FGF14: variants seen among roughly 807,000 people sequenced by gnomAD.
The protein encoded by FGF14 is fibroblast growth factor homologous factor 4.
Under a neutral mutation model 25.5 loss-of-function variants are expected in FGF14, and 5 were observed. That is an observed-to-expected ratio of 0.20 (90% confidence interval 0.10 to 0.41). The LOEUF (loss-of-function observed/expected upper bound fraction) is 0.41, where lower values mean the gene tolerates loss of function less well. Ranked by LOEUF, FGF14 falls within the 10% of genes least tolerant of loss-of-function variation. The pLI is 1.00. For synonymous variants in FGF14, 138 were observed against 118.3 expected (o/e 1.17, Z -1.08); for missense variants, 222 against 320.1 (o/e 0.69, Z 2.34).
intron 1 of FGF14, among the ~76,000 whole-genome samples, chr13:102,339,850 C>T (rs530550864): frequency 1.3e-5 from 2 of 152,182 alleles, no homozygotes; most frequent in Non-Finnish European, 1.5e-5. Flanking sequence ...GCATGGGCTA[C>T]GTAAACTCAC....
intron 1 of FGF14, among the ~76,000 whole-genome samples, chr13:101,879,752 T>C (rs973369589): frequency 2.1e-4 from 24 of 113,906 alleles, no homozygotes; most frequent in African/African-American, 8.6e-4. Context: ...CTATTAGCTA[T>C]GGAAAAAATC....
At chr13:102,392,482 T>C (rs1215556227) in intron 1 of FGF14, among the ~76,000 whole-genome samples, 2 of 152,230 alleles carry the variant, frequency 1.3e-5, no homozygotes, top group Non-Finnish European at 2.9e-5. Flanking sequence ...ATGAACTTTT[T>C]ATCCCACAGC....
intron 1 of FGF14, among the ~76,000 whole-genome samples, chr13:102,009,580 T>G (rs1470455725): frequency 6.6e-6 from 1 of 152,152 alleles, no homozygotes; most frequent in East Asian, 1.9e-4. Flanking sequence ...AAAAAATTGT[T>G]CTTCAAAAAG....
chr13:102,228,352 A>G (rs1762722093), intron 1 of FGF14, among the ~76,000 whole-genome samples: 1 of 152,202 alleles, frequency 6.6e-6, no homozygotes, highest in African/African-American at 2.4e-5. Context: ...ACAGAACACT[A>G]AAGTCAATCA....
At chr13:102,209,645 G>C (rs1042560492) in intron 1 of FGF14, among the ~76,000 whole-genome samples, 3 of 152,174 alleles carry the variant, frequency 2.0e-5, no homozygotes, top group African/African-American at 7.2e-5. Context: ...TGGGAATCAT[G>C]CTTCTGACTT....
chr13:102,171,457 A>G (rs1345286397), intron 1 of FGF14, among the ~76,000 whole-genome samples: 1 of 152,216 alleles, frequency 6.6e-6, no homozygotes, highest in African/African-American at 2.4e-5. Flanking sequence ...TATAAAAGGA[A>G]GTCTCTCCCT....
intron 1 of FGF14, among the ~76,000 whole-genome samples, chr13:102,299,568 G>C (rs2054916242): frequency 6.8e-6 from 1 of 147,296 alleles, no homozygotes; most frequent in South Asian, 2.2e-4. Flanking sequence ...CACTGGGGCT[G>C]CCTGAATTTC....
intron 1 of FGF14, among the ~76,000 whole-genome samples, chr13:102,370,480 G>C (rs758859609): frequency 1.4e-4 from 21 of 151,942 alleles, no homozygotes; most frequent in Non-Finnish European, 2.4e-4. Flanking sequence ...ATGTTGCCAG[G>C]TTGGTCTTGA....
chr13:101,961,492 G>A (rs1348476101), intron 1 of FGF14, among the ~76,000 whole-genome samples: 2 of 152,104 alleles, frequency 1.3e-5, no homozygotes, highest in African/African-American at 4.8e-5. Context: ...AAGATCAGGT[G>A]GTTGTAGGTG....
chr13:102,151,256 A>G (rs1449888617), intron 1 of FGF14, among the ~76,000 whole-genome samples: 1 of 152,120 alleles, frequency 6.6e-6, no homozygotes, highest in Non-Finnish European at 1.5e-5. Context: ...AAATTGCTAA[A>G]TCCTAATGGA....
At chr13:102,371,591 T>C (rs968870300) in intron 1 of FGF14, among the ~76,000 whole-genome samples, 1 of 152,138 alleles carries the variant, frequency 6.6e-6, no homozygotes, top group Non-Finnish European at 1.5e-5. Flanking sequence ...TTGTATCTGT[T>C]TCCAGAGCTG....
chr13:101,928,395 GGT>G (rs149758126), intron 1 of FGF14, among the ~76,000 whole-genome samples: 7,954 of 147,534 alleles, frequency 0.054, 642 homozygotes, highest in African/African-American at 0.18. Context: ...AACTTGCTGT[GGT>G]GTGTGTGTGT....
intron 1 of FGF14, among the ~76,000 whole-genome samples, chr13:102,098,708 G>A (rs1397131620): frequency 6.6e-6 from 1 of 152,166 alleles, no homozygotes; most frequent in Non-Finnish European, 1.5e-5. Flanking sequence ...TGTGCTTTGG[G>A]TGTGCCCCTA....
chr13:102,161,612 A>G (rs879467044), intron 1 of FGF14, among the ~76,000 whole-genome samples: 651 of 4,766 alleles, frequency 0.14, 12 homozygotes, highest in African/African-American at 0.2. Flanking sequence ...AAGAAGAAGA[A>G]GAAGAAGAAG....
chr13:101,738,743 T>C (rs1241963191), intron 3 of FGF14, among the ~76,000 whole-genome samples: 2 of 152,084 alleles, frequency 1.3e-5, no homozygotes, highest in African/African-American at 4.8e-5. Context: ...TATTATATTA[T>C]GAAATGTTAT....
intron 1 of FGF14, among the ~76,000 whole-genome samples, chr13:101,954,395 T>C (rs4771410): frequency 0.35 from 53,723 of 151,954 alleles, 9,871 homozygotes; most frequent in East Asian, 0.55. Flanking sequence ...TTTTATTTCA[T>C]TGTAGCACTA....
intron 1 of FGF14, among the ~76,000 whole-genome samples, chr13:102,064,266 C>T (rs1013497034): frequency 2.0e-5 from 3 of 151,994 alleles, no homozygotes; most frequent in East Asian, 3.9e-4. Flanking sequence ...GAAAAAATTA[C>T]TGCCTTATCA....
intron 1 of FGF14, among the ~76,000 whole-genome samples, chr13:101,975,213 C>G (rs2037846990): frequency 6.6e-6 from 1 of 152,074 alleles, no homozygotes. Flanking sequence ...CCAGCCTCTT[C>G]TCATGGTACT....
intron 1 of FGF14, among the ~76,000 whole-genome samples, chr13:102,018,745 C>T (rs2040480716): frequency 1.3e-5 from 2 of 151,980 alleles, no homozygotes; most frequent in Non-Finnish European, 1.5e-5. Context: ...AACTCTTCCT[C>T]TTAAGTCTCT....
Sources: allele counts gnomAD v4.1 joint callset (sites outside exome capture counted in the v4.1 genomes callset), GRCh38; gene constraint gnomAD v4.1.1; transcripts MANE v1.5; gene names NCBI Gene and HGNC (gene_info 2026-07-23, HGNC 2026-07-21).